Variants in PCDH15 observed in about 807,000 individuals in gnomAD.
The protein encoded by PCDH15 is protocadherin related 15, also known as protocadherin-15.
PCDH15 carries 129 observed loss-of-function variants against 178.5 expected under a neutral mutation model. The ratio of observed to expected loss-of-function variants is 0.72; its 90% CI spans 0.63 to 0.84. PCDH15 has a LOEUF of 0.84. Among genes scored for constraint, PCDH15 ranks in the 40% least tolerant of loss-of-function variants. The pLI, the probability that PCDH15 is intolerant of heterozygous loss-of-function variation, is 0.00. For missense variants in PCDH15, 2,230 were observed against 2,099.9 expected, an observed-to-expected ratio of 1.06 and a Z score of -1.21; for synonymous variants, 800 against 732.0, an observed-to-expected ratio of 1.09 and a Z score of -1.50.
intron 1 of PCDH15, among the ~76,000 whole-genome samples, chr10:55,200,429 A>G (rs1037934052): frequency 6.6e-6 from 1 of 152,110 alleles, no homozygotes; most frequent in African/African-American, 2.4e-5. Flanking sequence ...TCATTGTATC[A>G]TGGAAGTAAG....
At chr10:55,323,768 G>A (rs981745297), upstream of PCDH15, among the ~76,000 whole-genome samples, 1 of 152,190 alleles carries the variant, frequency 6.6e-6, no homozygotes, top group African/African-American at 2.4e-5. Context: ...TTGGACTGTG[G>A]AGTTTTGAGT....
At chr10:54,752,517 C>CAACAAAAA (rs1946459727) in intron 1 of PCDH15, among the ~76,000 whole-genome samples, 1 of 85,632 alleles carries the variant, frequency 1.2e-5, no homozygotes, top group Non-Finnish European at 2.4e-5. Context: ...AAAAAACAAA[C>CAACAAAAA]AAACAAACAA....
intron 15 of PCDH15, among the ~76,000 whole-genome samples, chr10:54,109,922 C>T (rs1564441314): frequency 6.6e-6 from 1 of 152,144 alleles, no homozygotes; most frequent in Admixed American, 6.5e-5. Flanking sequence ...CTATTATGCA[C>T]TGCATTCCTG....
intron 2 of PCDH15, among the ~76,000 whole-genome samples, chr10:55,045,072 T>A (rs1206310737): frequency 1.3e-5 from 2 of 152,102 alleles, no homozygotes; most frequent in Non-Finnish European, 1.5e-5. Flanking sequence ...CTTCTGGCAT[T>A]TCTCTATTAG....
chr10:55,165,405 C>T (rs183310992), intron 2 of PCDH15, among the ~76,000 whole-genome samples: 1 of 151,976 alleles, frequency 6.6e-6, no homozygotes, highest in Admixed American at 6.6e-5. Context: ...GGACCTATAG[C>T]ACTTTTAAAA....
chr10:54,399,398 CAA>C (rs1951656245), intron 3 of PCDH15, among the ~76,000 whole-genome samples: 1 of 152,006 alleles, frequency 6.6e-6, no homozygotes, highest in South Asian at 2.1e-4. Flanking sequence ...AAGTTATCAA[CAA>C]AGAGTCATCA....
chr10:54,286,248 T>G (rs1341787399), intron 8 of PCDH15, among the ~76,000 whole-genome samples: 1 of 152,218 alleles, frequency 6.6e-6, no homozygotes, highest in Non-Finnish European at 1.5e-5. Context: ...ATGATGGATA[T>G]GCTGTATACC....
chr10:55,487,644 G>C (rs1345760344), intron 2 of PCDH15, among the ~76,000 whole-genome samples: 2 of 151,620 alleles, frequency 1.3e-5, no homozygotes, highest in Non-Finnish European at 3.0e-5. Flanking sequence ...ATTACTGCTA[G>C]AGTGCTACTA....
At chr10:55,102,325 G>A (rs1414777366) in intron 2 of PCDH15, among the ~76,000 whole-genome samples, 1 of 151,856 alleles carries the variant, frequency 6.6e-6, no homozygotes, top group Non-Finnish European at 1.5e-5. Context: ...TTCTTTCAGA[G>A]AGCCCATTAG....
At chr10:53,906,505 A>G (rs1184196722) in intron 25 of PCDH15, among the ~76,000 whole-genome samples, 1 of 152,170 alleles carries the variant, frequency 6.6e-6, no homozygotes, top group African/African-American at 2.4e-5. Flanking sequence ...CTCAGATATT[A>G]TTGTAACAAA....
chr10:54,879,488 A>G (rs987689632), intron 3 of PCDH15, among the ~76,000 whole-genome samples: 1 of 152,070 alleles, frequency 6.6e-6, no homozygotes, highest in East Asian at 1.9e-4. Context: ...ACTAAGAGCT[A>G]TCTGGTTCTT....
chr10:55,290,967 CA>C (rs756870990), intron 1 of PCDH15, among the ~76,000 whole-genome samples: 2 of 152,032 alleles, frequency 1.3e-5, no homozygotes, highest in Non-Finnish European at 2.9e-5. Context: ...CTTAAATTCC[CA>C]ACACAACATT....
At chr10:54,685,188 C>T (rs549272071) in intron 1 of PCDH15, among the ~76,000 whole-genome samples, 133 of 152,094 alleles carry the variant, frequency 8.7e-4, no homozygotes, top group Non-Finnish European at 1.6e-3. Context: ...ATAACATGCA[C>T]GGAGCTGTCA....
chr10:55,143,270 CAAT>C (rs1467590837), intron 2 of PCDH15, among the ~76,000 whole-genome samples: 2 of 151,636 alleles, frequency 1.3e-5, no homozygotes, highest in African/African-American at 4.8e-5. Flanking sequence ...CAGACTAATA[CAAT>C]GAGGATGAAA....
intron 5 of PCDH15, among the ~76,000 whole-genome samples, chr10:54,359,306 G>T (rs1274962422): frequency 6.6e-6 from 1 of 151,514 alleles, no homozygotes; most frequent in Admixed American, 6.6e-5. Flanking sequence ...AATAAGCTAT[G>T]AATTTGAATT....
intron 3 of PCDH15, among the ~76,000 whole-genome samples, chr10:54,421,837 TAC>T (rs1250629355): frequency 1.4e-4 from 6 of 42,052 alleles, no homozygotes; most frequent in Non-Finnish European, 2.9e-4. Flanking sequence ...TATATATATA[TAC>T]ACACACACTA....
chr10:54,515,453 T>C (rs890134599), intron 3 of PCDH15, among the ~76,000 whole-genome samples: 1 of 152,046 alleles, frequency 6.6e-6, no homozygotes, highest in Non-Finnish European at 1.5e-5. Flanking sequence ...GCCGAGTTAG[T>C]TGTTTGATTA....
rs1413632977 is a variant in PCDH15 at position 55,582,626 on chromosome 10, A to AT, written c.-156+44998dup. Reference sequence around the variant, plus strand: ...TATATATATATATATATATATATATATATTTTTTTTTTTTTGCTATATTTG... The same window carrying AT: ...TATATATATATATATATATATATATATTATTTTTTTTTTTTTGCTATATTTG... On this transcript the variant is annotated intron_variant, in intron 2 of 5. Coordinates refer to the PCDH15 transcript ENST00000613346. Among the ~76,000 whole-genome samples the AT allele has an allele frequency of 3.5e-3, 213 of 61,216 alleles. 2 individuals carry two copies. The highest frequency in any genetic ancestry group is 0.03 in the East Asian group (48 of 1,616). The allele number at this position is 61,216 out of a possible 152,430, so 40.2% of individuals were successfully genotyped here. A position where few individuals can be genotyped will look rare whatever the true frequency, so the allele number is the denominator to read the frequency against.
At chr10:53,825,135 C>A in intron 32 of PCDH15, 1 of 1,541,250 alleles carries the variant, frequency 6.5e-7, no homozygotes, top group Non-Finnish European at 8.8e-7. Flanking sequence ...TATTTACTTA[C>A]TTATGCCTAT....
Sources: gnomAD v4.1 joint callset for allele counts (sites outside exome capture counted in the v4.1 genomes callset) on GRCh38, gnomAD v4.1.1 for gene constraint, MANE v1.5 for transcripts, NCBI Gene and HGNC (gene_info 2026-07-23, HGNC 2026-07-21) for gene names.